Variants in CEP44 observed in about 807,000 individuals in gnomAD.
CEP44 encodes centrosomal protein 44.
CEP44 carries 45 observed loss-of-function variants against 46.7 expected under a neutral mutation model. The ratio of observed to expected loss-of-function variants is 0.96; its 90% CI spans 0.76 to 1.24. CEP44 has a LOEUF of 1.24. Ranked by LOEUF, CEP44 falls within the 50% of genes most tolerant of loss-of-function variation. The pLI, the probability that CEP44 is intolerant of heterozygous loss-of-function variation, is 0.00. For missense variants in CEP44, 475 were observed against 459.7 expected, an observed-to-expected ratio of 1.03 and a Z score of -0.30; for synonymous variants, 142 against 146.0, an observed-to-expected ratio of 0.97 and a Z score of 0.20.
At position 174,308,677 on chromosome 4, in the gene CEP44, T is replaced by G. The variant is rs1254950917; in HGVS notation, c.508-12T>G. 2 of 1,575,640 alleles carry G rather than the reference T, an allele frequency of 1.3e-6. No individual in the cohort carries two copies. Among genetic ancestry groups the G allele is most frequent in the South Asian group, 2.3e-5 (2 of 85,690 alleles). ...ACATTGAAGTGTTTCTTACATATTTTTCTCTATGCAGAAGAAAGCTGTGGT... is the reference window on the plus strand; with the variant it reads ...ACATTGAAGTGTTTCTTACATATTTGTCTCTATGCAGAAGAAAGCTGTGGT... On this transcript the variant is annotated splice_polypyrimidine_tract_variant and intron_variant, in intron 6 of 11. Coordinates refer to ENST00000503780, the MANE Select transcript of CEP44 (RefSeq NM_001040157.3).
In CEP44 at chr4:174,310,363, C is replaced by T. The variant is rs1406509940; in HGVS notation, c.885+307C>T. On this transcript the variant is annotated intron_variant, in intron 8 of 11. Transcript: ENST00000503780. The surrounding 1 kb of genome is among the most constrained non-coding windows in gnomAD (Gnocchi z 4.2). Reference sequence around the variant, plus strand: ...TGAAAAGCTTAAAATTATTTTATATCTTTTAATAGTACAAATAACCTATTT... The same window carrying T: ...TGAAAAGCTTAAAATTATTTTATATTTTTTAATAGTACAAATAACCTATTT... Among the ~76,000 whole-genome samples the T allele has an allele frequency of 6.6e-6, 1 of 151,780 alleles. No individual in the cohort carries two copies. The highest frequency in any genetic ancestry group is 1.5e-5 in the Non-Finnish European group (1 of 67,854).
chr4:174,319,229 T>C lies in CEP44; in HGVS notation c.*1846T>C. 1.0e-6 allele frequency: 1 copy of C among 970,290 alleles called. No individual in the cohort carries two copies. The highest frequency in any genetic ancestry group is 1.2e-6 in the Non-Finnish European group (1 of 816,074). 60.1% of individuals were successfully genotyped at this position (970,290 alleles called of 1,614,324 possible). A position where few individuals can be genotyped will look rare whatever the true frequency, so the allele number is the denominator to read the frequency against. On this transcript the variant is annotated 3_prime_UTR_variant, in exon 12 of 12. Transcript: ENST00000503780. ...TATTTCCAGAATTAATGAAGCATGT[T>C]AGCTTTAATTTTTTCAATTGTGAGA...
intron 8 of CEP44, among the ~76,000 whole-genome samples, chr4:174,328,411 G>A (rs1427630270): frequency 6.6e-6 from 1 of 152,164 alleles, no homozygotes; most frequent in African/African-American, 2.4e-5. Flanking sequence ...AATAAATTTT[G>A]TATTTCCATA....
At chr4:174,317,123 G>A (rs1741822131) in intron 11 of CEP44, among the ~76,000 whole-genome samples, 1 of 151,886 alleles carries the variant, frequency 6.6e-6, no homozygotes, top group Non-Finnish European at 1.5e-5. Flanking sequence ...AATGCAAAAA[G>A]TACTTAACTT....
intron 1 of CEP44, among the ~76,000 whole-genome samples, chr4:174,292,946 C>G (rs966896702): frequency 2.0e-5 from 3 of 151,986 alleles, no homozygotes; most frequent in Non-Finnish European, 2.9e-5. Context: ...ACTAATAATC[C>G]CTTGAGTCTT....
At position 174,304,240 on chromosome 4, in the gene CEP44, T is replaced by C. The variant is rs917137313; in HGVS notation, c.385-7T>C. 11 of 1,577,058 alleles carry C rather than the reference T, an allele frequency of 7.0e-6. No homozygotes were observed. In the Admixed American group the frequency reaches 1.3e-4, roughly 18 times the overall value. On this transcript the variant is annotated splice_region_variant and splice_polypyrimidine_tract_variant and intron_variant, in intron 5 of 11. Transcript: ENST00000503780. ...TTTGTTATTTTGACTAATACCTTTT[T>C]TTTTAGATTCCATCACAACAAAGAA... is the stretch of plus-strand genomic sequence containing the variant.
chr4:174,303,895 A>C (rs1740053326), intron 5 of CEP44, 46 bp downstream of exon 5: 1 of 1,248,536 alleles, frequency 8.0e-7, no homozygotes, highest in Non-Finnish European at 1.1e-6. Flanking sequence ...CTATTAATAG[A>C]TGGCTCAGTA....
chr4:174,316,378 T>G (rs1228878675), intron 10 of CEP44, 88 bp downstream of exon 10: 10 of 1,433,406 alleles, frequency 7.0e-6, no homozygotes, highest in Non-Finnish European at 9.7e-6. Flanking sequence ...GCAAGAAAAA[T>G]AGCAAACGCG....
chr4:174,311,423 T>G lies in CEP44; in HGVS notation c.961+565T>G, dbSNP rs1386999187. Among the ~76,000 whole-genome samples the G allele has an allele frequency of 1.3e-5, 2 of 152,062 alleles. No individual in the cohort carries two copies. Among genetic ancestry groups the G allele is most frequent in the East Asian group, 3.9e-4 (2 of 5,192 alleles). On this transcript the variant is annotated intron_variant, in intron 9 of 11. Transcript: ENST00000503780. This position sits in a 1 kb window ranked among gnomAD's most constrained non-coding sequence, Gnocchi z 4.4. ...TTTTCAGTGACAGCTTTGTTTTGATTGTTATGTATTTTTAAAAGATCTAAA... is the reference window on the plus strand; with the variant it reads ...TTTTCAGTGACAGCTTTGTTTTGATGGTTATGTATTTTTAAAAGATCTAAA...
chr4:174,294,712 G>A (rs1208332181), intron 1 of CEP44, among the ~76,000 whole-genome samples: 51 of 145,338 alleles, frequency 3.5e-4, no homozygotes, highest in African/African-American at 1.1e-3. Flanking sequence ...GTGGCTGGCC[G>A]GGCGGGGGGC....
downstream of CEP44, among the ~76,000 whole-genome samples, chr4:174,321,575 T>A (rs1324286767): frequency 6.6e-6 from 1 of 152,114 alleles, no homozygotes; most frequent in Non-Finnish European, 1.5e-5. Flanking sequence ...TGTTGAAAAA[T>A]TTCCTAGTTT....
chr4:174,315,416 AAAAG>A (rs770379311), intron 9 of CEP44, among the ~76,000 whole-genome samples: 3 of 152,100 alleles, frequency 2.0e-5, no homozygotes, highest in Non-Finnish European at 4.4e-5. Context: ...GTTTTTTAGA[AAAAG>A]AAATCTGTGG....
chr4:174,318,725 A>T lies in CEP44; in HGVS notation c.*1342A>T. The T allele has an allele frequency of 1.3e-6, 1 of 771,098 alleles. No homozygotes were observed. The highest frequency in any genetic ancestry group is 1.6e-6 in the Non-Finnish European group (1 of 635,444). 47.8% of individuals were successfully genotyped at this position (771,098 alleles called of 1,614,324 possible). The stretch of plus-strand genomic sequence containing the variant: ...TATAAAATATTGTTATATGAGTAGA[A>T]ATCACTTAAATTTTTTTTGTGTTTG... On this transcript the variant is annotated 3_prime_UTR_variant, in exon 12 of 12. Coordinates refer to ENST00000503780, the MANE Select transcript of CEP44 (RefSeq NM_001040157.3).
intron 2 of CEP44, among the ~76,000 whole-genome samples, chr4:174,298,535 A>G (rs553749673): frequency 2.0e-5 from 3 of 152,328 alleles, no homozygotes; most frequent in African/African-American, 7.2e-5. Context: ...GGAAGGTAAC[A>G]TGCATTTAAT....
intron 2 of CEP44, among the ~76,000 whole-genome samples, chr4:174,298,400 C>A (rs1416792213): frequency 6.6e-6 from 1 of 151,850 alleles, no homozygotes; most frequent in African/African-American, 2.4e-5. Flanking sequence ...TGGTCTCGAT[C>A]TCCTGACCTC....
rs1320917638 is a variant in CEP44, at chr4:174,312,039, T to C, written c.961+1181T>C. On this transcript the variant is annotated intron_variant, in intron 9 of 11. Transcript: ENST00000503780. The surrounding 1 kb of genome is among the most constrained non-coding windows in gnomAD (Gnocchi z 4.5). ...ATAAGATCCTTGAGAGCAAAAACTT[T>C]ATCTTATGGTCTGCCTGTCTAGCAC... 6.6e-6 allele frequency among the ~76,000 whole-genome samples: 1 copy of C among 152,216 alleles called. No individual in the cohort carries two copies. The highest frequency in any genetic ancestry group is 1.5e-5 in the Non-Finnish European group (1 of 68,034).
rs181193374 is a variant in CEP44, at chr4:174,314,639, G to C, written c.962-1527G>C. Among the ~76,000 whole-genome samples the C allele has an allele frequency of 9.4e-3, 1,427 of 152,128 alleles. 7 individuals are homozygous for C. The highest frequency in any genetic ancestry group is 0.017 in the Middle Eastern group (5 of 294). On this transcript the variant is annotated intron_variant, in intron 9 of 11. Transcript: ENST00000503780. This position sits in a 1 kb window ranked among gnomAD's most constrained non-coding sequence, Gnocchi z 4.1. ...CCCGGACCTGTTTCCTTTTCCTAGG[G>C]CCCCCTCCTCTTTTTGGAAAGATGT...
At chr4:174,321,920 T>C (rs60369530), downstream of CEP44, among the ~76,000 whole-genome samples, 767 of 152,214 alleles carry the variant, frequency 5.0e-3, 4 homozygotes, top group African/African-American at 0.017. Context: ...CAGAAACCAC[T>C]AGGAGTTCTT....
Position 174,295,775 on chromosome 4 carries a change from T to G in CEP44, c.-147-2191T>G, listed in dbSNP as rs569966894. Among the ~76,000 whole-genome samples, 324 of 152,378 alleles carry G rather than the reference T, an allele frequency of 2.1e-3. 1 individual carries two copies. The Middle Eastern group carries it at 0.048, about 22-fold the overall frequency. On this transcript the variant is annotated intron_variant, in intron 1 of 11. Transcript: ENST00000503780. ...CCGAGGCTCCATATATCCTCTTTAG[T>G]GAGATATCTGTTAACATCTTTTGCC...
Sources: allele counts gnomAD v4.1 joint callset (sites outside exome capture counted in the v4.1 genomes callset), GRCh38; gene constraint gnomAD v4.1.1; non-coding constraint Gnocchi (gnomAD v3.1); transcripts MANE v1.5; gene names NCBI Gene and HGNC (gene_info 2026-07-23, HGNC 2026-07-21).